ISY1: variants seen among roughly 807,000 people sequenced by gnomAD.
ISY1 encodes the protein pre-mRNA-splicing factor ISY1 homolog.
In ISY1, 12 loss-of-function variants were observed where a neutral mutation model predicts 54.4. That is an observed-to-expected ratio of 0.22 (90% CI 0.14 to 0.36). The LOEUF is 0.36. Among genes scored for constraint, ISY1 ranks in the 10% least tolerant of loss-of-function variants. The pLI is 1.00. For synonymous variants in ISY1, 96 were observed against 117.9 expected (o/e 0.81, Z 1.20); for missense variants, 282 against 342.2 (o/e 0.82, Z 1.39).
At chr3:129,133,860 G>A (rs747812605) in intron 9 of ISY1, among the ~76,000 whole-genome samples, 2 of 152,176 alleles carry the variant, frequency 1.3e-5, no homozygotes, top group Non-Finnish European at 2.9e-5. Context: ...AAAGAAGGAA[G>A]CCCTGGTGTA....
intron 7 of ISY1, among the ~76,000 whole-genome samples, chr3:129,137,374 CAAA>C (rs1936440807): frequency 6.6e-6 from 1 of 151,894 alleles, no homozygotes; most frequent in Non-Finnish European, 1.5e-5. Context: ...CTTTCTAAAA[CAAA>C]AATCTTTTCA....
In ISY1 at chr3:129,129,004, G is replaced by C. The variant is rs1418177095; in HGVS notation, c.*1077C>G. On this transcript the variant is annotated 3_prime_UTR_variant, in exon 11 of 11. Coordinates refer to ENST00000393295, the MANE Select transcript of ISY1 (RefSeq NM_020701.4). The stretch of plus-strand genomic sequence containing the variant: ...CTACAGCTGTGGCCACGGACGCCAT[G>C]GTGGGTCGGCTCACTCCCACCTAGA... 1 of 152,330 alleles carries C rather than the reference G, an allele frequency of 6.6e-6. No homozygotes were observed. Among genetic ancestry groups the C allele is most frequent in the Non-Finnish European group, 1.5e-5 (1 of 68,150 alleles). 9.4% of individuals were successfully genotyped at this position (152,330 alleles called of 1,614,324 possible).
In ISY1 at chr3:129,148,627, C is replaced by T. The variant is rs1936843253; in HGVS notation, c.188-2754G>A. Among the ~76,000 whole-genome samples, 7 of 152,180 alleles carry T rather than the reference C, an allele frequency of 4.6e-5. No homozygotes were observed. In the South Asian group the frequency reaches 1.4e-3, roughly 32 times the overall value. ...TTGCCCAGGCTGGAGTGCAGTGGTA[C>T]AATCTCAGCTCACTGCGACCTCTGC... On this transcript the variant is annotated intron_variant, in intron 5 of 10. Coordinates refer to ENST00000393295, the MANE Select transcript of ISY1 (RefSeq NM_020701.4).
rs774009629 is a variant in ISY1 at position 129,128,489 on chromosome 3, G to A, written c.*1592C>T. The A allele has an allele frequency of 7.2e-5, 11 of 152,580 alleles. No individual in the cohort carries two copies. Among genetic ancestry groups the A allele is most frequent in the East Asian group, 1.9e-4 (1 of 5,178 alleles). 9.5% of individuals were successfully genotyped at this position (152,580 alleles called of 1,614,324 possible). ...CCTGGGCCTCTCCTTGTGGCCGCAC[G>A]GAGCGTCCTCAAGCAAGTCCCTTAG... is the stretch of plus-strand genomic sequence containing the variant. On this transcript the variant is annotated 3_prime_UTR_variant, in exon 11 of 11. Coordinates refer to ENST00000393295, the MANE Select transcript of ISY1 (RefSeq NM_020701.4).
intron 5 of ISY1, among the ~76,000 whole-genome samples, chr3:129,147,041 AGAGT>A (rs2107611900): frequency 6.6e-6 from 1 of 151,824 alleles, no homozygotes; most frequent in African/African-American, 2.4e-5. Context: ...CCTGGGTGAC[AGAGT>A]GAGACCGCCA....
chr3:129,142,962 T>C (rs948095144), intron 6 of ISY1, among the ~76,000 whole-genome samples: 23 of 151,962 alleles, frequency 1.5e-4, no homozygotes, highest in Non-Finnish European at 5.9e-5. Context: ...GGCTGAGGCA[T>C]GAGAATCGCT....
intron 10 of ISY1, 137 bp downstream of exon 10, chr3:129,130,413 A>T: frequency 8.2e-7 from 1 of 1,217,118 alleles, no homozygotes; most frequent in African/African-American, 1.5e-5. Context: ...CCCTGAACAC[A>T]ATGACAGGTG....
At chr3:129,147,730 A>T (rs188535537) in intron 5 of ISY1, among the ~76,000 whole-genome samples, 37 of 152,346 alleles carry the variant, frequency 2.4e-4, no homozygotes, top group African/African-American at 8.2e-4. Context: ...ATTAAGACAC[A>T]GAAAAGTTCC....
chr3:129,148,580 G>A (rs1042643794), intron 5 of ISY1, among the ~76,000 whole-genome samples: 4 of 152,162 alleles, frequency 2.6e-5, no homozygotes, highest in Non-Finnish European at 5.9e-5. Context: ...TTTATTTTAT[G>A]TTTTGAGACA....
intron 7 of ISY1, among the ~76,000 whole-genome samples, chr3:129,139,532 C>T (rs1181066941): frequency 6.6e-6 from 1 of 152,090 alleles, no homozygotes; most frequent in Non-Finnish European, 1.5e-5. Context: ...AAATCAAAAC[C>T]GACTAAAACT....
chr3:129,137,362 TTC>T (rs745395760), intron 7 of ISY1, among the ~76,000 whole-genome samples: 1 of 152,174 alleles, frequency 6.6e-6, no homozygotes, highest in Non-Finnish European at 1.5e-5. Context: ...CTTATGCATT[TTC>T]TTTCTAAAAC....
rs1937298280 is a variant in ISY1 at position 129,161,022 on chromosome 3, G to T, written c.-47C>A. The T allele has an allele frequency of 6.7e-7, 1 of 1,495,538 alleles. No homozygotes were observed. Among genetic ancestry groups the T allele is most frequent in the Non-Finnish European group, 9.0e-7 (1 of 1,111,724 alleles). The allele number at this position is 1,495,538 out of a possible 1,614,324, so 92.6% of individuals were successfully genotyped here. A position where few individuals can be genotyped will look rare whatever the true frequency, so the allele number is the denominator to read the frequency against. ...CTGGAGCCCCGCGGCCCCTGTCCAA[G>T]AAACTCCACAGGCCCAGAAGACGCC... is the stretch of plus-strand genomic sequence containing the variant. On this transcript the variant is annotated 5_prime_UTR_variant, in exon 1 of 11. Coordinates refer to ENST00000393295, the MANE Select transcript of ISY1 (RefSeq NM_020701.4).
intron 5 of ISY1, among the ~76,000 whole-genome samples, chr3:129,150,552 A>G (rs1173645727): frequency 1.3e-5 from 2 of 152,122 alleles, no homozygotes; most frequent in Admixed American, 6.6e-5. Flanking sequence ...TCTACTAAAA[A>G]TACAAAAAAA....
rs774182619 is a variant in ISY1 at position 129,130,060 on chromosome 3, A to G, written c.*21T>C. On this transcript the variant is annotated 3_prime_UTR_variant, in exon 11 of 11. Transcript: ENST00000393295. The stretch of plus-strand genomic sequence containing the variant: ...TACCACTGGGGGATGGAAGAACTCC[A>G]AGGAGAGCCCCAGCTGGGTCCTAAT... 59 of 1,551,856 alleles carry G rather than the reference A, an allele frequency of 3.8e-5. No homozygotes were observed. Among genetic ancestry groups the G allele is most frequent in the Non-Finnish European group, 5.0e-5 (58 of 1,153,912 alleles).
At chr3:129,159,304 C>A in intron 1 of ISY1, 128 bp from the exon 2 acceptor site, 1 of 1,204,580 alleles carries the variant, frequency 8.3e-7, no homozygotes, top group Non-Finnish European at 1.2e-6. Flanking sequence ...ACTATATGAA[C>A]AACAATAAAC....
In ISY1 at chr3:129,130,606, C is replaced by T. The variant is rs1232960769; in HGVS notation, c.694G>A (p.Gly232Arg). The T allele has an allele frequency of 3.7e-6, 6 of 1,614,156 alleles. No individual in the cohort carries two copies. Among genetic ancestry groups the T allele is most frequent in the East Asian group, 2.2e-5 (1 of 44,882 alleles). Residue 232 changes from glycine to arginine, a missense_variant, in exon 10 of 11, where the codon GGG (glycine) becomes AGG (arginine). Around this residue, in one of 2 missense-constraint regions of ISY1, gnomAD observed 279 missense variants for 323.6 expected, o/e 0.86. Transcript: ENST00000393295. The stretch of plus-strand genomic sequence containing the variant: ...ATGAACTTCTGCTGGCTGTCGTCCC[C>T]TCCTTTCTCCTGGCTGCCTTCCTCG... ...SDEEGSQEKG[G>R]DDSQQKFIAH... is the part of the protein sequence containing the mutation.
At chr3:129,145,526 T>C (rs1282981306) in intron 6 of ISY1, among the ~76,000 whole-genome samples, 1 of 152,088 alleles carries the variant, frequency 6.6e-6, no homozygotes, top group Non-Finnish European at 1.5e-5. Context: ...CCCGGGCTCA[T>C]GGTCATTTTA....
At chr3:129,149,973 C>CAAAAAA (rs200338338) in intron 5 of ISY1, among the ~76,000 whole-genome samples, 1 of 90,780 alleles carries the variant, frequency 1.1e-5, no homozygotes. Flanking sequence ...GGCTCTATCT[C>CAAAAAA]AAAAAAAAAA....
chr3:129,147,188 C>A (rs1936791832), intron 5 of ISY1, among the ~76,000 whole-genome samples: 1 of 151,926 alleles, frequency 6.6e-6, no homozygotes, highest in Non-Finnish European at 1.5e-5. Context: ...CAGCCTTGGC[C>A]AACATGGGGG....
Sources: gnomAD v4.1 joint callset for allele counts (sites outside exome capture counted in the v4.1 genomes callset) on GRCh38, gnomAD v4.1.1 for gene constraint, gnomAD v4.1.1 regional missense constraint, MANE v1.5 for transcripts, NCBI Gene and HGNC (gene_info 2026-07-23, HGNC 2026-07-21) for gene names.